FARS2: variants seen among roughly 807,000 people sequenced by gnomAD.
FARS2 encodes the protein phenylalanine--tRNA ligase, mitochondrial.
Under a neutral mutation model 46.4 loss-of-function variants are expected in FARS2, and 40 were observed. That is an observed-to-expected ratio of 0.86 (90% CI 0.67 to 1.12). FARS2 has a LOEUF of 1.12. Among genes scored for constraint, FARS2 ranks in the 50% most tolerant of loss-of-function variants. The pLI is 0.00. For synonymous variants in FARS2, 234 were observed against 214.9 expected, an observed-to-expected ratio of 1.09 and a Z score of -0.78; for missense variants, 513 against 567.9, an observed-to-expected ratio of 0.90 and a Z score of 0.98.
chr6:5,654,029 C>G (rs986807529), intron 6 of FARS2, among the ~76,000 whole-genome samples: 2 of 152,158 alleles, frequency 1.3e-5, no homozygotes, highest in African/African-American at 4.8e-5. Flanking sequence ...CAGTGGCACC[C>G]TGGGTTCTCT....
Position 5,727,052 on chromosome 6 carries a change from C to A in FARS2, c.1218-44239C>A, listed in dbSNP as rs1760313206. ...TCAGATACTTGGCCTCATTGAGCTT[C>A]ACTTCCACCGTCTGTAAAGGAGCAA... On this transcript the variant is annotated intron_variant, in intron 6 of 6. Coordinates refer to ENST00000274680, the MANE Select transcript of FARS2 (RefSeq NM_006567.5). This position sits in a 1 kb window ranked among gnomAD's most constrained non-coding sequence, Gnocchi z 4.1. 6.6e-6 allele frequency among the ~76,000 whole-genome samples: 1 copy of A among 152,236 alleles called. No individual in the cohort carries two copies. Among genetic ancestry groups the A allele is most frequent in the South Asian group, 2.1e-4 (1 of 4,838 alleles).
intron 1 of FARS2, among the ~76,000 whole-genome samples, chr6:5,294,724 G>A (rs530244383): frequency 9.8e-5 from 15 of 152,306 alleles, no homozygotes; most frequent in African/African-American, 3.1e-4. Flanking sequence ...ACGGAGAGAC[G>A]TGCAGGGCAA....
At chr6:5,666,178 A>G (rs894398844) in intron 6 of FARS2, among the ~76,000 whole-genome samples, 4 of 152,246 alleles carry the variant, frequency 2.6e-5, no homozygotes, top group Non-Finnish European at 4.4e-5. Context: ...AGTGCCAGGA[A>G]TGATGGGCTG....
chr6:5,269,108 A>G (rs1284843819), intron 1 of FARS2, among the ~76,000 whole-genome samples: 1 of 152,238 alleles, frequency 6.6e-6, no homozygotes, highest in African/African-American at 2.4e-5. Flanking sequence ...TCAATGATAG[A>G]CTGGATTAAG....
chr6:5,539,632 T>G (rs1012005533), intron 4 of FARS2, among the ~76,000 whole-genome samples: 4 of 152,016 alleles, frequency 2.6e-5, no homozygotes, highest in African/African-American at 9.7e-5. Context: ...GAAGTTGTAT[T>G]TGTGAAGGTA....
At chr6:5,521,942 A>G (rs944509145) in intron 4 of FARS2, among the ~76,000 whole-genome samples, 2 of 152,164 alleles carry the variant, frequency 1.3e-5, no homozygotes, top group African/African-American at 4.8e-5. Flanking sequence ...TTTTTATAGG[A>G]CAAGGATAAA....
intron 5 of FARS2, among the ~76,000 whole-genome samples, chr6:5,598,712 G>A (rs904095948): frequency 1.3e-5 from 2 of 152,106 alleles, no homozygotes; most frequent in East Asian, 1.9e-4. Flanking sequence ...GGAAGAAATC[G>A]AAAACATGTA....
chr6:5,346,115 G>A (rs1420963823), intron 1 of FARS2, among the ~76,000 whole-genome samples: 2 of 152,102 alleles, frequency 1.3e-5, no homozygotes, highest in Non-Finnish European at 2.9e-5. Flanking sequence ...CTCTTCCCTC[G>A]CAGGACCCAA....
rs151109352 is a variant in FARS2, at chr6:5,682,743, G to C, written c.1217+69423G>C. The stretch of plus-strand genomic sequence containing the variant: ...AGGCTCTGCCCTCATGGAGCTTCCA[G>C]GCATTGCGAAAGACAGACACTAAAC... On this transcript the variant is annotated intron_variant, in intron 6 of 6. Coordinates refer to ENST00000274680, the MANE Select transcript of FARS2 (RefSeq NM_006567.5). Among the ~76,000 whole-genome samples, 60 of 152,330 alleles carry C rather than the reference G, an allele frequency of 3.9e-4. 1 individual carries two copies. The East Asian group carries it at 7.3e-3, about 19-fold the overall frequency.
At chr6:5,357,273 A>C (rs1313885704) in intron 1 of FARS2, among the ~76,000 whole-genome samples, 1 of 152,240 alleles carries the variant, frequency 6.6e-6, no homozygotes, top group Non-Finnish European at 1.5e-5. Flanking sequence ...TCTTAGCTAA[A>C]CAGTGATTTG....
In FARS2 at chr6:5,456,156, G is replaced by C. The variant is rs367998770; in HGVS notation, c.904+24984G>C. ...CTTGAGCCTGGAGGTCGAGGCTGCA[G>C]TGAGCTGTGATTGTGCCACTGCATT... On this transcript the variant is annotated intron_variant, in intron 4 of 6. Transcript: ENST00000274680. 2.2e-3 allele frequency among the ~76,000 whole-genome samples: 330 copies of C among 152,140 alleles called. 2 individuals carry two copies. Among genetic ancestry groups the C allele is most frequent in the African/African-American group, 7.7e-3 (320 of 41,498 alleles).
chr6:5,311,313 C>T lies in FARS2; in HGVS notation c.-22+49653C>T, dbSNP rs191516399. Among the ~76,000 whole-genome samples the T allele has an allele frequency of 2.2e-4, 34 of 152,238 alleles. No individual in the cohort carries two copies. Among genetic ancestry groups the T allele is most frequent in the Middle Eastern group, 3.4e-3 (1 of 294 alleles). On this transcript the variant is annotated intron_variant, in intron 1 of 6. Coordinates refer to ENST00000274680, the MANE Select transcript of FARS2 (RefSeq NM_006567.5). The surrounding 1 kb of genome is among the most constrained non-coding windows in gnomAD (Gnocchi z 4.1). ...GATTAAATAGATGCTGCAGGGGTTC[C>T]CTCAACCCCTTCAAAAGGGATCACA...
At chr6:5,717,634 A>G (rs1172834343) in intron 6 of FARS2, among the ~76,000 whole-genome samples, 1 of 152,010 alleles carries the variant, frequency 6.6e-6, no homozygotes, top group Non-Finnish European at 1.5e-5. Flanking sequence ...TGGTGTATCT[A>G]CTTACTTCCA....
chr6:5,432,211 G>A (rs1408731098), intron 4 of FARS2, among the ~76,000 whole-genome samples: 1 of 146,876 alleles, frequency 6.8e-6, no homozygotes, highest in Non-Finnish European at 1.5e-5. Context: ...AGCTACTCGG[G>A]AGGCTGAGGC....
In FARS2 at chr6:5,613,412, G is replaced by T. The variant is rs540378902; in HGVS notation, c.1217+92G>T. 1.1e-4 allele frequency: 124 copies of T among 1,083,022 alleles called. No individual in the cohort carries two copies. In the African/African-American group the frequency reaches 1.8e-3, roughly 16 times the overall value. The allele number at this position is 1,083,022 out of a possible 1,614,324, so 67.1% of individuals were successfully genotyped here. On this transcript the variant is annotated intron_variant, in intron 6 of 6. Coordinates refer to ENST00000274680, the MANE Select transcript of FARS2 (RefSeq NM_006567.5). ...ATCATAAAATTTGCTGAAACCCAGG[G>T]TATCTGAGACAAAATGTCTTCTGAA...
intron 4 of FARS2, among the ~76,000 whole-genome samples, chr6:5,438,805 A>G (rs1763679813): frequency 6.6e-6 from 1 of 152,214 alleles, no homozygotes; most frequent in Non-Finnish European, 1.5e-5. Context: ...CATCATGTCC[A>G]TGCTCAAAAA....
chr6:5,398,382 A>T (rs1331926748), intron 2 of FARS2, among the ~76,000 whole-genome samples: 1 of 152,136 alleles, frequency 6.6e-6, no homozygotes, highest in Non-Finnish European at 1.5e-5. Context: ...TATGGGTTAT[A>T]ACCTATTACT....
intron 6 of FARS2, among the ~76,000 whole-genome samples, chr6:5,686,301 A>T (rs894110648): frequency 6.6e-6 from 1 of 151,738 alleles, no homozygotes; most frequent in Non-Finnish European, 1.5e-5. Context: ...TGCTGCACCC[A>T]TTAACTCGTC....
chr6:5,690,487 G>T lies in FARS2; in HGVS notation c.1217+77167G>T, dbSNP rs577610780. 3.6e-4 allele frequency among the ~76,000 whole-genome samples: 54 copies of T among 151,352 alleles called. 1 individual carries two copies. In the South Asian group the frequency reaches 6.7e-3, roughly 19 times the overall value. On this transcript the variant is annotated intron_variant, in intron 6 of 6. Coordinates refer to ENST00000274680, the MANE Select transcript of FARS2 (RefSeq NM_006567.5). ...AGTTTGGCTGGATATGAAATTCTGG[G>T]TTGAAAATTCTTTTCTTTAAGAATG...
Sources: allele counts gnomAD v4.1 joint callset (sites outside exome capture counted in the v4.1 genomes callset), GRCh38; gene constraint gnomAD v4.1.1; non-coding constraint Gnocchi (gnomAD v3.1); transcripts MANE v1.5; gene names NCBI Gene and HGNC (gene_info 2026-07-23, HGNC 2026-07-21).